Variants in DROSHA observed in about 807,000 individuals in gnomAD.
DROSHA encodes drosha ribonuclease III.
DROSHA carries 56 observed loss-of-function variants against 181.9 expected under a neutral mutation model. That is an observed-to-expected ratio of 0.31 (90% CI 0.25 to 0.38). DROSHA has a LOEUF of 0.38. DROSHA is among the 10% of genes least tolerant of loss of function. The pLI is 1.00. For synonymous variants in DROSHA, 524 were observed against 591.2 expected (o/e 0.89, Z 1.65); for missense variants, 1,218 against 1,743.5 (o/e 0.70, Z 5.37).
intron 4 of DROSHA, among the ~76,000 whole-genome samples, chr5:31,527,134 C>T (rs1740687954): frequency 6.6e-6 from 1 of 152,110 alleles, no homozygotes; most frequent in Non-Finnish European, 1.5e-5. Flanking sequence ...CAGCCCACTG[C>T]CATGTTTAGT....
At chr5:31,496,689 A>T (rs994521409) in intron 11 of DROSHA, among the ~76,000 whole-genome samples, 1 of 152,242 alleles carries the variant, frequency 6.6e-6, no homozygotes, top group Admixed American at 6.5e-5. Context: ...CTATGCCCAC[A>T]GCCCCATCAA....
At chr5:31,436,256 T>C (rs934729866) in intron 24 of DROSHA, among the ~76,000 whole-genome samples, 3 of 152,188 alleles carry the variant, frequency 2.0e-5, no homozygotes, top group African/African-American at 7.2e-5. Context: ...CTCCTGATTA[T>C]GTCCATCTTG....
intron 26 of DROSHA, 72 bp from the exon 27 acceptor site, chr5:31,429,617 T>C (rs1743910477): frequency 7.3e-7 from 1 of 1,374,840 alleles, no homozygotes; most frequent in East Asian, 2.4e-5. Context: ...ATCTCTATAA[T>C]AAAGCAAAAA....
intron 30 of DROSHA, among the ~76,000 whole-genome samples, chr5:31,413,763 G>A (rs1282077364): frequency 6.6e-6 from 1 of 152,194 alleles, no homozygotes. Flanking sequence ...AGCTTTCCAG[G>A]GAGGCCTCCT....
chr5:31,510,182 G>T (rs756414258), intron 9 of DROSHA, among the ~76,000 whole-genome samples: 13 of 152,024 alleles, frequency 8.6e-5, no homozygotes, highest in African/African-American at 1.4e-4. Flanking sequence ...GTAGCATAAT[G>T]AAATCCAACA....
At chr5:31,428,781 T>C (rs1743796331) in intron 27 of DROSHA, among the ~76,000 whole-genome samples, 2 of 152,204 alleles carry the variant, frequency 1.3e-5, no homozygotes, top group African/African-American at 4.8e-5. Flanking sequence ...TATAATGACA[T>C]TTCAATTTGG....
intron 9 of DROSHA, 57 bp downstream of exon 9, chr5:31,510,977 AT>A: frequency 6.3e-7 from 1 of 1,582,450 alleles, no homozygotes; most frequent in Non-Finnish European, 8.6e-7. Flanking sequence ...TTTCCCCAAA[AT>A]TTAGGAATGA....
At chr5:31,448,217 A>G (rs187599400) in intron 23 of DROSHA, among the ~76,000 whole-genome samples, 4 of 152,378 alleles carry the variant, frequency 2.6e-5, no homozygotes, top group Admixed American at 2.6e-4. Flanking sequence ...ACAAATCCTG[A>G]AAACATGCTA....
intron 5 of DROSHA, among the ~76,000 whole-genome samples, chr5:31,522,715 C>G (rs758635802): frequency 2.0e-5 from 3 of 152,178 alleles, no homozygotes; most frequent in Non-Finnish European, 4.4e-5. Flanking sequence ...TTTACTGTCA[C>G]AAGGTCAGCC....
At chr5:31,445,871 C>A (rs1181826275) in intron 23 of DROSHA, among the ~76,000 whole-genome samples, 1 of 152,144 alleles carries the variant, frequency 6.6e-6, no homozygotes, top group African/African-American at 2.4e-5. Context: ...ATTAGGAAGA[C>A]AAAGATCTGC....
chr5:31,435,319 G>T (rs1471629798), intron 25 of DROSHA, among the ~76,000 whole-genome samples: 1 of 152,126 alleles, frequency 6.6e-6, no homozygotes, highest in Non-Finnish European at 1.5e-5. Flanking sequence ...ATTCTCAAAG[G>T]TGTAGAAAGT....
At chr5:31,484,000 T>TA (rs11341914) in intron 15 of DROSHA, among the ~76,000 whole-genome samples, 74 of 150,952 alleles carry the variant, frequency 4.9e-4, no homozygotes, top group Non-Finnish European at 4.0e-4. Flanking sequence ...ATCACTACAC[T>TA]AAAAAAAAAA....
chr5:31,426,693 T>A (rs2149998924), intron 27 of DROSHA, among the ~76,000 whole-genome samples: 1 of 152,100 alleles, frequency 6.6e-6, no homozygotes, highest in Non-Finnish European at 1.5e-5. Context: ...AAAGAGGGAT[T>A]AAAAAAACGG....
At chr5:31,503,198 A>C (rs1427465018) in intron 11 of DROSHA, among the ~76,000 whole-genome samples, 2 of 152,150 alleles carry the variant, frequency 1.3e-5, no homozygotes, top group East Asian at 3.9e-4. Context: ...GGGCACATGA[A>C]TGAAGTGACC....
At chr5:31,505,501 A>C (rs889495473) in intron 10 of DROSHA, among the ~76,000 whole-genome samples, 2 of 152,144 alleles carry the variant, frequency 1.3e-5, no homozygotes, top group African/African-American at 4.8e-5. Context: ...AATAAAATGG[A>C]CCATTTATGT....
chr5:31,454,058 G>C (rs1747351056), intron 20 of DROSHA, among the ~76,000 whole-genome samples: 1 of 152,128 alleles, frequency 6.6e-6, no homozygotes, highest in South Asian at 2.1e-4. Context: ...CTAAATAAGA[G>C]TGTATGAGGA....
chr5:31,516,923 C>T (rs1561285749), intron 6 of DROSHA, among the ~76,000 whole-genome samples: 1 of 152,126 alleles, frequency 6.6e-6, no homozygotes, highest in Admixed American at 6.6e-5. Flanking sequence ...GTGTTCTTTG[C>T]ACACTTGTCA....
At chr5:31,480,456 G>A (rs1189356640) in intron 16 of DROSHA, among the ~76,000 whole-genome samples, 5 of 151,920 alleles carry the variant, frequency 3.3e-5, no homozygotes, top group African/African-American at 9.7e-5. Context: ...TCTCAGCAGC[G>A]ACTGGAAAGG....
At chr5:31,408,821 T>C (rs1740964343) in intron 33 of DROSHA, 3 of 402,616 alleles carry the variant, frequency 7.5e-6, no homozygotes, top group Non-Finnish European at 1.3e-5. Context: ...TCACAGAGAT[T>C]TTTAGAAATG....
Sources: gnomAD v4.1 joint callset for allele counts (sites outside exome capture counted in the v4.1 genomes callset) on GRCh38, gnomAD v4.1.1 for gene constraint, MANE v1.5 for transcripts, NCBI Gene and HGNC (gene_info 2026-07-23, HGNC 2026-07-21) for gene names.